Variants in DMD observed in about 807,000 individuals in gnomAD.
DMD encodes mutant dystrophin.
DMD carries 63 observed loss-of-function variants against 330.1 expected under a neutral mutation model. The ratio of observed to expected loss-of-function variants is 0.19; its 90% confidence interval spans 0.16 to 0.24. The LOEUF is 0.24. Ranked by LOEUF, DMD falls within the 10% of genes least tolerant of loss-of-function variation. The pLI is 1.00. For synonymous variants in DMD, 1,223 were observed against 959.8 expected, an observed-to-expected ratio of 1.27 and a Z score of -5.07; for missense variants, 3,344 against 2,684.1, an observed-to-expected ratio of 1.25 and a Z score of -5.43.
intron 2 of DMD, among the ~76,000 whole-genome samples, chrX:32,856,406 T>C (rs1291467893): frequency 2.7e-5 from 3 of 111,587 alleles, no homozygotes; most frequent in Non-Finnish European, 5.6e-5. Context: ...TTGGAAGCAA[T>C]CCAAGTATCC....
At chrX:32,728,330 C>T (rs758958744) in intron 7 of DMD, among the ~76,000 whole-genome samples, 3 of 111,757 alleles carry the variant, frequency 2.7e-5, no homozygotes, top group East Asian at 5.6e-4. Context: ...AAAAATACAA[C>T]CCAATGTTGT....
At chrX:32,168,540 T>TAAAAAAAAAAAAAAAAAAAA (rs67296978) in intron 44 of DMD, among the ~76,000 whole-genome samples, 1 of 78,564 alleles carries the variant, frequency 1.3e-5, no homozygotes, top group Non-Finnish European at 2.5e-5. Context: ...ATGACAGTTA[T>TAAAAAAAAAAAAAAAAAAAA]AAAAAAAAAA....
chrX:32,217,308 T>A (rs1416189863), intron 43 of DMD, among the ~76,000 whole-genome samples: 4 of 111,551 alleles, frequency 3.6e-5, no homozygotes, highest in Non-Finnish European at 7.5e-5. Flanking sequence ...ATTTTTCCCT[T>A]TAAAATGAAT....
chrX:32,745,810 A>C (rs1468846446), intron 7 of DMD, among the ~76,000 whole-genome samples: 1 of 112,473 alleles, frequency 8.9e-6, no homozygotes, highest in East Asian at 2.8e-4. Flanking sequence ...GATTTGTATA[A>C]GTAATGTAGT....
At chrX:31,508,383 G>T in intron 55 of DMD, 1 of 599,401 alleles carries the variant, frequency 1.7e-6, no homozygotes, top group East Asian at 4.1e-5. Context: ...GGCCTCACCA[G>T]TCAATAATAA....
intron 60 of DMD, among the ~76,000 whole-genome samples, chrX:31,418,023 T>C (rs1602634259): frequency 9.6e-6 from 1 of 103,627 alleles, no homozygotes; most frequent in East Asian, 3.0e-4. Flanking sequence ...CAGAGATCTG[T>C]AGAAAATTAA....
intron 43 of DMD, among the ~76,000 whole-genome samples, chrX:32,272,489 G>A (rs2097368869): frequency 8.9e-6 from 1 of 112,128 alleles, no homozygotes; most frequent in Non-Finnish European, 1.9e-5. Flanking sequence ...ATACGTATTT[G>A]TGTTGTTTCT....
At chrX:31,909,524 A>G (rs985960534) in intron 47 of DMD, among the ~76,000 whole-genome samples, 2 of 109,888 alleles carry the variant, frequency 1.8e-5, no homozygotes, top group Non-Finnish European at 3.8e-5. Context: ...ATGTGAAAAA[A>G]AAAAAAAAAA....
chrX:33,161,510 G>A (rs929186912), intron 1 of DMD, among the ~76,000 whole-genome samples: 1 of 111,700 alleles, frequency 9.0e-6, no homozygotes, highest in African/African-American at 3.3e-5. Context: ...TAAATCTGAG[G>A]TTGAGAAAGG....
intron 12 of DMD, among the ~76,000 whole-genome samples, chrX:32,606,679 A>G (rs772901395): frequency 6.5e-5 from 7 of 108,455 alleles, no homozygotes; most frequent in Non-Finnish European, 1.4e-4. Context: ...ATGATTGGAT[A>G]AAGAAAATGT....
intron 30 of DMD, among the ~76,000 whole-genome samples, chrX:32,411,526 T>C (rs916996683): frequency 2.7e-5 from 3 of 111,771 alleles, no homozygotes; most frequent in Non-Finnish European, 5.6e-5. Flanking sequence ...CTCCTGTCTT[T>C]GAAATGTCTT....
chrX:31,783,510 G>C (rs1450099971), intron 50 of DMD, among the ~76,000 whole-genome samples: 1 of 111,383 alleles, frequency 9.0e-6, no homozygotes, highest in African/African-American at 3.3e-5. Context: ...AGCTATTTGA[G>C]ATAAGTATCA....
intron 60 of DMD, among the ~76,000 whole-genome samples, chrX:31,430,691 A>G (rs750077266): frequency 1.0e-3 from 113 of 110,671 alleles, no homozygotes; most frequent in African/African-American, 3.6e-3. Context: ...AGCTGTAGCC[A>G]CATGGGCAAC....
rs750345366 is a variant in DMD, at chrX:31,708,745, A to T, written c.7660+20886T>A. Among the ~76,000 whole-genome samples the T allele has an allele frequency of 1.6e-3, 177 of 112,153 alleles. 1 individual carries two copies. The highest frequency in any genetic ancestry group is 5.6e-3 in the African/African-American group (172 of 30,941). ...TAAAATGCATTTTAGATTATTAATC[A>T]CTTTCCAGTGATAAATAACCAAATT... On this transcript the variant is annotated intron_variant, in intron 52 of 78. Coordinates refer to ENST00000357033, the MANE Select transcript of DMD (RefSeq NM_004006.3).
chrX:32,636,062 T>A (rs1215173846), intron 11 of DMD, among the ~76,000 whole-genome samples: 1 of 112,111 alleles, frequency 8.9e-6, no homozygotes, highest in East Asian at 2.8e-4. Context: ...ACGGTGTGTA[T>A]AAATCTTAGG....
At chrX:31,339,194 C>T (rs1433887903) in intron 61 of DMD, among the ~76,000 whole-genome samples, 2 of 111,127 alleles carry the variant, frequency 1.8e-5, no homozygotes, top group Non-Finnish European at 3.8e-5. Flanking sequence ...TATATAGGGC[C>T]AACGATGCAA....
chrX:33,010,210 G>GTATATGTACATATGTGTGTA (rs1335380377), intron 2 of DMD, among the ~76,000 whole-genome samples: 1 of 46,968 alleles, frequency 2.1e-5, no homozygotes, highest in Non-Finnish European at 5.3e-5. Flanking sequence ...ATATGTGTGT[G>GTATATGTACATATGTGTGTA]TATATGTACA....
At chrX:32,896,910 C>T (rs186706619) in intron 2 of DMD, among the ~76,000 whole-genome samples, 1 of 112,189 alleles carries the variant, frequency 8.9e-6, no homozygotes, top group Non-Finnish European at 1.9e-5. Flanking sequence ...AAAAGTTAAA[C>T]GTCAGCAATT....
At chrX:31,538,716 G>A (rs1239775509) in intron 55 of DMD, among the ~76,000 whole-genome samples, 2 of 111,131 alleles carry the variant, frequency 1.8e-5, no homozygotes, top group Non-Finnish European at 3.8e-5. Flanking sequence ...TTCCTTCATG[G>A]AGATATTTCT....
Sources: allele counts gnomAD v4.1 joint callset (sites outside exome capture counted in the v4.1 genomes callset), GRCh38; gene constraint gnomAD v4.1.1; transcripts MANE v1.5; gene names NCBI Gene and HGNC (gene_info 2026-07-23, HGNC 2026-07-21).